KIAA1217: variants seen among roughly 807,000 people sequenced by gnomAD.
KIAA1217 encodes the protein sickle tail protein homolog.
Under a neutral mutation model 163.9 loss-of-function variants are expected in KIAA1217, and 88 were observed. The observed-to-expected ratio is 0.54, with a 90% CI of 0.45 to 0.64. KIAA1217 has a LOEUF of 0.64. Ranked by LOEUF, KIAA1217 falls within the 30% of genes least tolerant of loss-of-function variation. The pLI is 0.00. For synonymous variants in KIAA1217, 903 were observed against 923.1 expected (o/e 0.98, Z 0.39); for missense variants, 2,372 against 2,475.0 (o/e 0.96, Z 0.88).
intron 1 of KIAA1217, among the ~76,000 whole-genome samples, chr10:23,820,176 G>A (rs1163456975): frequency 2.6e-5 from 4 of 152,234 alleles, no homozygotes; most frequent in South Asian, 2.1e-4. Flanking sequence ...GGCAAACATC[G>A]AAGCATAAAA....
At chr10:24,435,363 C>G (rs2059937530) in intron 4 of KIAA1217, among the ~76,000 whole-genome samples, 1 of 152,174 alleles carries the variant, frequency 6.6e-6, no homozygotes. Flanking sequence ...ATGAAATAAT[C>G]ACATTATATT....
chr10:23,993,509 T>C (rs923246227), intron 1 of KIAA1217, among the ~76,000 whole-genome samples: 1 of 147,854 alleles, frequency 6.8e-6, no homozygotes, highest in South Asian at 2.2e-4. Flanking sequence ...ATCCAACTCT[T>C]TCAGATTTCC....
intron 1 of KIAA1217, among the ~76,000 whole-genome samples, chr10:23,732,524 T>A (rs1255749934): frequency 6.6e-6 from 1 of 152,176 alleles, no homozygotes; most frequent in Non-Finnish European, 1.5e-5. Flanking sequence ...ATTAGTAATT[T>A]GTGTTCTCTC....
chr10:24,078,940 T>G (rs1564674663), intron 2 of KIAA1217, among the ~76,000 whole-genome samples: 1 of 152,222 alleles, frequency 6.6e-6, no homozygotes, highest in Non-Finnish European at 1.5e-5. Context: ...TAAAACACCC[T>G]GATTTCCAAG....
At chr10:24,004,767 G>C (rs1375578122) in intron 1 of KIAA1217, among the ~76,000 whole-genome samples, 2 of 152,220 alleles carry the variant, frequency 1.3e-5, no homozygotes, top group Non-Finnish European at 2.9e-5. Context: ...AAAGGGAAAA[G>C]AAGAGAGCAA....
At chr10:24,114,423 T>G (rs1336170614) in intron 2 of KIAA1217, among the ~76,000 whole-genome samples, 2 of 152,232 alleles carry the variant, frequency 1.3e-5, no homozygotes, top group Non-Finnish European at 2.9e-5. Context: ...GATAATTTTT[T>G]GCAGAGCAAT....
At chr10:24,453,301 T>C (rs1162558232) in intron 5 of KIAA1217, among the ~76,000 whole-genome samples, 1 of 152,242 alleles carries the variant, frequency 6.6e-6, no homozygotes, top group Admixed American at 6.5e-5. Flanking sequence ...TCTTTTGTGG[T>C]ACCTGAGTCC....
chr10:24,130,569 A>G (rs2063617266), intron 2 of KIAA1217, among the ~76,000 whole-genome samples: 1 of 152,220 alleles, frequency 6.6e-6, no homozygotes, highest in Non-Finnish European at 1.5e-5. Context: ...TATAGAGTTG[A>G]TAGAGTACTA....
chr10:23,926,516 G>C (rs1485185383), intron 1 of KIAA1217, among the ~76,000 whole-genome samples: 2 of 152,112 alleles, frequency 1.3e-5, no homozygotes, highest in Non-Finnish European at 2.9e-5. Context: ...CCTGAGGTCA[G>C]GAGTTCAAGA....
intron 2 of KIAA1217, among the ~76,000 whole-genome samples, chr10:24,371,422 A>T (rs930033399): frequency 2.0e-5 from 3 of 152,240 alleles, no homozygotes; most frequent in African/African-American, 7.2e-5. Context: ...CCTAGAATCA[A>T]ATTTTAAGAG....
rs576534156 is a variant in KIAA1217, at chr10:23,749,897, C to T, written c.-321+54663C>T. Among the ~76,000 whole-genome samples, 81 of 152,284 alleles carry T rather than the reference C, an allele frequency of 5.3e-4. 1 individual carries two copies. The highest frequency in any genetic ancestry group is 1.9e-3 in the African/African-American group (78 of 41,556). ...GGACTAATATTGACTTCAAACTCAA[C>T]CTGTTAGAAACTAAATGCAATATAC... On this transcript the variant is annotated intron_variant, in intron 1 of 18. Coordinates refer to the KIAA1217 transcript ENST00000376462.
At chr10:24,321,554 A>G (rs1487227221) in intron 2 of KIAA1217, among the ~76,000 whole-genome samples, 1 of 152,162 alleles carries the variant, frequency 6.6e-6, no homozygotes, top group African/African-American at 2.4e-5. Context: ...AAAAGGAGCC[A>G]AAGGATGGAC....
At chr10:24,417,672 G>C (rs547194445) in intron 3 of KIAA1217, among the ~76,000 whole-genome samples, 2 of 152,266 alleles carry the variant, frequency 1.3e-5, no homozygotes, top group African/African-American at 4.8e-5. Flanking sequence ...CTACGAATGA[G>C]AGTGAGGAAA....
intron 1 of KIAA1217, among the ~76,000 whole-genome samples, chr10:23,817,418 T>C (rs1837358736): frequency 6.6e-6 from 1 of 152,222 alleles, no homozygotes; most frequent in Non-Finnish European, 1.5e-5. Flanking sequence ...TTGGCAATTC[T>C]ATCATAAAAT....
chr10:24,156,957 A>G (rs1206975900), intron 2 of KIAA1217, among the ~76,000 whole-genome samples: 3 of 152,210 alleles, frequency 2.0e-5, no homozygotes, highest in African/African-American at 4.8e-5. Flanking sequence ...CTGTGTCTGC[A>G]TGTCTTAACA....
intron 8 of KIAA1217, 38 bp downstream of exon 8, chr10:24,495,234 G>A (rs1428098991): frequency 1.9e-6 from 3 of 1,570,132 alleles, no homozygotes; most frequent in Non-Finnish European, 2.6e-6. Context: ...AGGCCTGTGG[G>A]CTGCCTGGGA....
chr10:23,854,960 C>G (rs947184447), intron 1 of KIAA1217, among the ~76,000 whole-genome samples: 4 of 152,162 alleles, frequency 2.6e-5, no homozygotes, highest in African/African-American at 9.7e-5. Flanking sequence ...GGTCTTGACT[C>G]TTTGTCCAAT....
In KIAA1217 at chr10:24,509,242, C is replaced by T. The variant is rs1013009056; in HGVS notation, c.2002-4017C>T. On this transcript the variant is annotated intron_variant, in intron 9 of 20. Coordinates refer to ENST00000376454, the MANE Select transcript of KIAA1217 (RefSeq NM_019590.5). ...CAGGAACTGTCCTGCAGCCTGGAGA[C>T]AGTGGCAAGAACACCAGACAGGGAG... Among the ~76,000 whole-genome samples, 4 of 152,196 alleles carry T rather than the reference C, an allele frequency of 2.6e-5. No individual in the cohort carries two copies. In the East Asian group the frequency reaches 5.8e-4, roughly 22 times the overall value.
chr10:24,390,004 C>T (rs2054623108), intron 3 of KIAA1217, among the ~76,000 whole-genome samples: 1 of 152,062 alleles, frequency 6.6e-6, no homozygotes, highest in Non-Finnish European at 1.5e-5. Flanking sequence ...CACACCTGAC[C>T]AGAGTTTAAG....
Sources: allele counts gnomAD v4.1 joint callset (sites outside exome capture counted in the v4.1 genomes callset), GRCh38; gene constraint gnomAD v4.1.1; transcripts MANE v1.5; gene names NCBI Gene and HGNC (gene_info 2026-07-23, HGNC 2026-07-21).